RBM4: variants seen among roughly 807,000 people sequenced by gnomAD.
RBM4 encodes RNA binding motif protein 4.
A neutral mutation model predicts 29.5 loss-of-function variants in RBM4; 7 were observed. That is an observed-to-expected ratio of 0.24 (90% CI 0.14 to 0.45). RBM4 has a LOEUF of 0.45. Ranked by LOEUF, RBM4 falls within the 20% of genes least tolerant of loss-of-function variation. RBM4 has a pLI of 1.00. For missense variants in RBM4, 387 were observed against 502.3 expected (o/e 0.77, Z 2.19); for synonymous variants, 220 against 205.4 (o/e 1.07, Z -0.61).
chr11:66,648,043 AAAAAT>A (rs1453130204), downstream of RBM4, among the ~76,000 whole-genome samples: 1 of 152,050 alleles, frequency 6.6e-6, no homozygotes, highest in Non-Finnish European at 1.5e-5. Flanking sequence ...TGTCTCTACT[AAAAAT>A]ACAAAAAATT....
At chr11:66,660,861 T>C (rs2135217463) in intron 2 of RBM4, among the ~76,000 whole-genome samples, 1 of 151,766 alleles carries the variant, frequency 6.6e-6, no homozygotes, top group African/African-American at 2.4e-5. Flanking sequence ...TTCACCATGT[T>C]AGCCAGGATG....
chr11:66,645,928 G>A (rs1774945492), intron 3 of RBM4, 99 bp from the exon 4 acceptor site: 14 of 1,525,780 alleles, frequency 9.2e-6, no homozygotes, highest in Non-Finnish European at 1.2e-5. Flanking sequence ...AACTTAAAAG[G>A]AGTGTCAAGT....
chr11:66,663,489 C>T (rs1446390442), intron 2 of RBM4, among the ~76,000 whole-genome samples: 1 of 152,088 alleles, frequency 6.6e-6, no homozygotes, highest in East Asian at 1.9e-4. Flanking sequence ...CTCAGCCTCC[C>T]GAGTAGCTGG....
chr11:66,667,154 T>A (rs1451324666), exon 3 of RBM4: 1 of 152,170 alleles, frequency 6.6e-6, no homozygotes, highest in African/African-American at 2.4e-5. Flanking sequence ...CTTCTGGGGC[T>A]CCAATTCAAG....
exon 3 of RBM4, chr11:66,666,126 T>A: frequency 1.3e-6 from 1 of 774,996 alleles, no homozygotes; most frequent in Non-Finnish European, 1.9e-6. Flanking sequence ...TGTCACAGAG[T>A]GAGAGCCACA....
chr11:66,640,032 T>C lies in RBM4; in HGVS notation c.321T>C (p.Cys107=). The change falls in exon 2 of 4, where the codon TGT becomes TGC. Residue 107 remains cysteine, a synonymous_variant. Coordinates refer to ENST00000310092, the MANE Select transcript of RBM4 (RefSeq NM_002896.4). ...KFEEYGPVIE[C]DIVKDYAFVH... The stretch of plus-strand genomic sequence containing the variant: ...AGGAGTATGGTCCGGTCATCGAATG[T>C]GACATCGTGAAAGATTATGCCTTCG... 1 of 1,614,142 alleles carries C rather than the reference T, an allele frequency of 6.2e-7. No homozygotes were observed. The highest frequency in any genetic ancestry group is 8.5e-7 in the Non-Finnish European group (1 of 1,180,026).
At chr11:66,659,358 C>T (rs1433328280) in intron 2 of RBM4, among the ~76,000 whole-genome samples, 2 of 150,008 alleles carry the variant, frequency 1.3e-5, no homozygotes, top group Non-Finnish European at 3.0e-5. Flanking sequence ...GCAAGCTCCG[C>T]CCCCCGGATT....
In RBM4 at chr11:66,646,146, C is replaced by A. The variant is rs1938683211; in HGVS notation, c.*128C>A. 1.3e-6 allele frequency: 2 copies of A among 1,528,362 alleles called. No individual in the cohort carries two copies. The highest frequency in any genetic ancestry group is 2.0e-5 in the Admixed American group (1 of 50,448). 94.7% of individuals were successfully genotyped at this position (1,528,362 alleles called of 1,614,324 possible). A position where few individuals can be genotyped will look rare whatever the true frequency, so the allele number is the denominator to read the frequency against. ...CGTTCAGTCCCTCAGGAACCGTGGA[C>A]CTTAATTTACCTTGCTAAGTTCAGA... On this transcript the variant is annotated 3_prime_UTR_variant, in exon 4 of 4. Coordinates refer to ENST00000310092, the MANE Select transcript of RBM4 (RefSeq NM_002896.4).
chr11:66,660,195 C>CT (rs1486924523), intron 2 of RBM4, among the ~76,000 whole-genome samples: 2 of 141,942 alleles, frequency 1.4e-5, no homozygotes, highest in Non-Finnish European at 3.0e-5. Context: ...GCTAACTTAA[C>CT]TTCAGGTCTT....
intron 2 of RBM4, among the ~76,000 whole-genome samples, chr11:66,642,601 C>G (rs1185345615): frequency 6.6e-6 from 1 of 152,170 alleles, no homozygotes; most frequent in Non-Finnish European, 1.5e-5. Context: ...TTTAATTCTG[C>G]TTAAACTGAG....
downstream of RBM4, chr11:66,646,559 C>G (rs1479356423): frequency 1.0e-6 from 1 of 985,898 alleles, no homozygotes; most frequent in African/African-American, 1.7e-5. Context: ...TTAAGACACT[C>G]AGCTTTGGGT....
Position 66,640,026 on chromosome 11 carries a change from C to A in RBM4, c.315C>A (p.Ile105=), listed in dbSNP as rs1407083717. Residue 105 remains isoleucine, a synonymous_variant, in exon 2 of 4, where the codon ATC becomes ATA. Transcript: ENST00000310092. ...AGTTTGAGGAGTATGGTCCGGTCAT[C>A]GAATGTGACATCGTGAAAGATTATG... ...RAKFEEYGPV[I]ECDIVKDYAF... 1 of 1,614,152 alleles carries A rather than the reference C, an allele frequency of 6.2e-7. No homozygotes were observed.
At chr11:66,665,567 C>CAA (rs1939193662) in intron 2 of RBM4, 6 of 1,535,210 alleles carry the variant, frequency 3.9e-6, no homozygotes, top group Non-Finnish European at 5.2e-6. Flanking sequence ...GTTCAGTCCG[C>CAA]AATTATCCTA....
At position 66,643,446 on chromosome 11, in the gene RBM4, C is replaced by T; in HGVS notation, c.413-4C>T. ...GCAACCCTTCTTGCGTCTGTTTCTT[C>T]AAGGCAAACGAATGCACGTGCAGTT... is the stretch of plus-strand genomic sequence containing the variant. On this transcript the variant is annotated splice_region_variant and splice_polypyrimidine_tract_variant and intron_variant, in intron 2 of 3. Coordinates refer to ENST00000310092, the MANE Select transcript of RBM4 (RefSeq NM_002896.4). The surrounding 1 kb of genome is among the most constrained non-coding windows in gnomAD (Gnocchi z 6.1). 6.2e-7 allele frequency: 1 copy of T among 1,600,150 alleles called. No homozygotes were observed. The highest frequency in any genetic ancestry group is 8.5e-7 in the Non-Finnish European group (1 of 1,170,492).
intron 2 of RBM4, chr11:66,665,772 CT>C: frequency 7.5e-7 from 1 of 1,330,002 alleles, no homozygotes; most frequent in Non-Finnish European, 1.0e-6. Context: ...TAGGAATCCA[CT>C]TATGGCTATA....
At chr11:66,663,211 C>A (rs1397509043) in intron 2 of RBM4, among the ~76,000 whole-genome samples, 2 of 152,164 alleles carry the variant, frequency 1.3e-5, no homozygotes, top group African/African-American at 4.8e-5. Context: ...ATCTAGAAGA[C>A]ATACTTTACT....
intron 2 of RBM4, among the ~76,000 whole-genome samples, chr11:66,664,316 A>G (rs1448672259): frequency 1.3e-5 from 2 of 150,992 alleles, no homozygotes; most frequent in African/African-American, 4.9e-5. Context: ...CGCCTGGCTA[A>G]TTTTTGTATT....
intron 1 of RBM4, chr11:66,639,285 C>T (rs1938332606): frequency 5.9e-6 from 1 of 170,562 alleles, no homozygotes; most frequent in African/African-American, 2.4e-5. Context: ...GAAATGATGG[C>T]TGCTTTGGTT....
rs1327726921 is a variant in RBM4 at position 66,643,274 on chromosome 11, C to T, written c.413-176C>T. Among the ~76,000 whole-genome samples the T allele has an allele frequency of 6.6e-6, 1 of 151,004 alleles. No individual in the cohort carries two copies. The highest frequency in any genetic ancestry group is 1.9e-4 in the East Asian group (1 of 5,188). The stretch of plus-strand genomic sequence containing the variant: ...AAGTGGTCTTTTCCTGAAATCAGGT[C>T]ATTATACTGAATCTATATGTTGAGT... On this transcript the variant is annotated intron_variant, in intron 2 of 3. Transcript: ENST00000310092. The surrounding 1 kb of genome is among the most constrained non-coding windows in gnomAD (Gnocchi z 6.1).
Sources: gnomAD v4.1 joint callset for allele counts (sites outside exome capture counted in the v4.1 genomes callset) on GRCh38, gnomAD v4.1.1 for gene constraint, Gnocchi (gnomAD v3.1) non-coding constraint, MANE v1.5 for transcripts, NCBI Gene and HGNC (gene_info 2026-07-23, HGNC 2026-07-21) for gene names.